WWOX: variants seen among roughly 807,000 people sequenced by gnomAD.
WWOX encodes WW domain-containing oxidoreductase.
A neutral mutation model predicts 46.2 loss-of-function variants in WWOX; 69 were observed. The ratio of observed to expected loss-of-function variants is 1.49; its 90% CI spans 1.23 to 1.82. WWOX has a LOEUF of 1.82. Ranked by LOEUF, WWOX falls within the 40% of genes most tolerant of loss-of-function variation. The pLI, the probability that WWOX is intolerant of heterozygous loss-of-function variation, is 0.00. For missense variants in WWOX, 919 were observed against 542.6 expected (o/e 1.69, Z -6.89); for synonymous variants, 359 against 202.6 (o/e 1.77, Z -6.56).
At chr16:78,452,503 G>C (rs183563451) in intron 8 of WWOX, among the ~76,000 whole-genome samples, 363 of 130,066 alleles carry the variant, frequency 2.8e-3, no homozygotes, top group Non-Finnish European at 4.7e-3. Context: ...TTGAGACGGA[G>C]TCTTATTCTG....
intron 8 of WWOX, among the ~76,000 whole-genome samples, chr16:78,655,454 G>A (rs1241726155): frequency 6.6e-6 from 1 of 152,154 alleles, no homozygotes; most frequent in African/African-American, 2.4e-5. Context: ...TTAAATATAT[G>A]AATCTCATCT....
intron 5 of WWOX, among the ~76,000 whole-genome samples, chr16:78,212,140 C>G (rs2036578290): frequency 6.6e-6 from 1 of 152,190 alleles, no homozygotes; most frequent in African/African-American, 2.4e-5. Context: ...ATTCCAGAGG[C>G]TAGCACCTGG....
intron 5 of WWOX, among the ~76,000 whole-genome samples, chr16:78,323,170 C>T (rs565457565): frequency 4.6e-5 from 7 of 152,170 alleles, no homozygotes; most frequent in East Asian, 1.9e-4. Flanking sequence ...TACAGTGGCA[C>T]GATCTCAGCT....
At chr16:79,117,454 G>C (rs2049539439) in intron 8 of WWOX, among the ~76,000 whole-genome samples, 1 of 152,190 alleles carries the variant, frequency 6.6e-6, no homozygotes, top group Non-Finnish European at 1.5e-5. Context: ...GGGAGAGTAG[G>C]TTTAGCATAA....
intron 8 of WWOX, among the ~76,000 whole-genome samples, chr16:78,923,937 G>C (rs550764266): frequency 6.6e-6 from 1 of 151,466 alleles, no homozygotes; most frequent in African/African-American, 2.4e-5. Context: ...GCAGCTGGGA[G>C]TACAGGTGCC....
chr16:78,560,720 C>T (rs944585197), intron 8 of WWOX, among the ~76,000 whole-genome samples: 3 of 151,764 alleles, frequency 2.0e-5, no homozygotes, highest in African/African-American at 7.3e-5. Flanking sequence ...AGTTCTTAAG[C>T]AATTAAAAAA....
intron 8 of WWOX, among the ~76,000 whole-genome samples, chr16:78,607,941 G>A (rs2045801947): frequency 6.6e-6 from 1 of 151,960 alleles, no homozygotes; most frequent in Non-Finnish European, 1.5e-5. Context: ...TCTGAATTAT[G>A]GAAAGAAAAT....
chr16:78,256,069 G>C (rs538081289), intron 5 of WWOX, among the ~76,000 whole-genome samples: 1 of 142,242 alleles, frequency 7.0e-6, no homozygotes, highest in East Asian at 2.1e-4. Context: ...AGAATCACTC[G>C]AACCCGGGAG....
At chr16:78,531,873 A>T (rs767615802) in intron 8 of WWOX, among the ~76,000 whole-genome samples, 6 of 152,158 alleles carry the variant, frequency 3.9e-5, no homozygotes, top group Non-Finnish European at 8.8e-5. Context: ...AAACAAACAA[A>T]TAAATAAATA....
intron 8 of WWOX, among the ~76,000 whole-genome samples, chr16:79,163,331 TG>T (rs948595222): frequency 6.6e-6 from 1 of 152,126 alleles, no homozygotes; most frequent in African/African-American, 2.4e-5. Flanking sequence ...ATGTACTAAC[TG>T]GGGGGTCTTG....
chr16:78,375,777 AC>A (rs1180853561), intron 5 of WWOX, among the ~76,000 whole-genome samples: 3 of 152,128 alleles, frequency 2.0e-5, no homozygotes, highest in Non-Finnish European at 4.4e-5. Context: ...TCAGTGGCCA[AC>A]AAAACAAAAC....
At chr16:78,558,978 A>G (rs991071212) in intron 8 of WWOX, among the ~76,000 whole-genome samples, 2 of 152,112 alleles carry the variant, frequency 1.3e-5, no homozygotes, top group African/African-American at 4.8e-5. Flanking sequence ...CCAGGCTGTC[A>G]GCTCCCTGAC....
At chr16:78,947,854 G>A in intron 8 of WWOX, among the ~76,000 whole-genome samples, 1 of 152,182 alleles carries the variant, frequency 6.6e-6, no homozygotes, top group Non-Finnish European at 1.5e-5. Context: ...AAATATCCCA[G>A]AGTGGCTTGT....
At chr16:78,876,327 C>A (rs1047523816) in intron 8 of WWOX, among the ~76,000 whole-genome samples, 1 of 151,762 alleles carries the variant, frequency 6.6e-6, no homozygotes, top group Non-Finnish European at 1.5e-5. Context: ...CATGCCCTTT[C>A]TTCTGCACTT....
intron 8 of WWOX, among the ~76,000 whole-genome samples, chr16:78,688,272 G>C (rs2047906644): frequency 6.6e-6 from 1 of 150,828 alleles, no homozygotes; most frequent in Non-Finnish European, 1.5e-5. Flanking sequence ...ATTTCTTGTT[G>C]CATCGTCTTT....
rs182823053 is a variant in WWOX at position 78,336,475 on chromosome 16, T to C, written c.517-50385T>C. Among the ~76,000 whole-genome samples, 22 of 130,634 alleles carry C rather than the reference T, an allele frequency of 1.7e-4. No homozygotes were observed. The East Asian group carries it at 5.1e-3, about 30-fold the overall frequency. 85.7% of individuals were successfully genotyped at this position (130,634 alleles called of 152,430 possible). ...GAGCCAAGATCTCACCACTGCACTC[T>C]AGCCTGAACTTCAGAGAGAGACTAT... On this transcript the variant is annotated intron_variant, in intron 5 of 8. Transcript: ENST00000566780.
At chr16:78,573,517 C>T (rs1468399199) in intron 8 of WWOX, among the ~76,000 whole-genome samples, 1 of 152,198 alleles carries the variant, frequency 6.6e-6, no homozygotes, top group Non-Finnish European at 1.5e-5. Flanking sequence ...ACACCTTTGT[C>T]ACATCACTCC....
At chr16:79,111,126 G>C (rs1389638391) in intron 8 of WWOX, among the ~76,000 whole-genome samples, 1 of 152,084 alleles carries the variant, frequency 6.6e-6, no homozygotes, top group Non-Finnish European at 1.5e-5. Context: ...TCAATGGCAG[G>C]GAATAAAAAT....
intron 8 of WWOX, among the ~76,000 whole-genome samples, chr16:78,995,635 T>C (rs2046975008): frequency 6.6e-6 from 1 of 152,138 alleles, no homozygotes; most frequent in African/African-American, 2.4e-5. Flanking sequence ...GGCTTGTTCT[T>C]ATGTGGTTGA....
Sources: gnomAD v4.1 joint callset for allele counts (sites outside exome capture counted in the v4.1 genomes callset) on GRCh38, gnomAD v4.1.1 for gene constraint, MANE v1.5 for transcripts, NCBI Gene and HGNC (gene_info 2026-07-23, HGNC 2026-07-21) for gene names.